The following SPAG17 variants were observed in gnomAD, a reference collection of about 807,000 sequenced individuals.
SPAG17 encodes sperm associated antigen 17.
A neutral mutation model predicts 273.6 loss-of-function variants in SPAG17; 169 were observed. The ratio of observed to expected loss-of-function variants is 0.62; its 90% confidence interval spans 0.55 to 0.70. The LOEUF is 0.70. Ranked by LOEUF, SPAG17 falls within the 30% of genes least tolerant of loss-of-function variation. The probability of loss-of-function intolerance (pLI) is 0.00; values close to 1 mark genes in which losing one functional copy is unlikely to be tolerated. For missense variants in SPAG17, 2,557 were observed against 2,627.8 expected, an observed-to-expected ratio of 0.97 and a Z score of 0.59; for synonymous variants, 825 against 873.2, an observed-to-expected ratio of 0.94 and a Z score of 0.97.
chr1:117,983,799 C>T lies in SPAG17; in HGVS notation c.5872+12G>A. 3 of 1,543,072 alleles carry T rather than the reference C, an allele frequency of 1.9e-6. No individual in the cohort carries two copies. The highest frequency in any genetic ancestry group is 2.7e-6 in the Non-Finnish European group (3 of 1,118,300). ...ACATTTAATAGGAATATGTGCTATG[C>T]TAACATATTACCTAGATTAAGATCA... On this transcript the variant is annotated intron_variant, in intron 42 of 48. Transcript: ENST00000336338.
chr1:118,125,278 G>A (rs748370913), intron 3 of SPAG17, among the ~76,000 whole-genome samples: 16 of 151,226 alleles, frequency 1.1e-4, no homozygotes, highest in Non-Finnish European at 2.4e-4. Context: ...AATATTTACG[G>A]GATACAAAGT....
chr1:118,177,449 G>A (rs1660746546), intron 1 of SPAG17, among the ~76,000 whole-genome samples: 1 of 152,066 alleles, frequency 6.6e-6, no homozygotes, highest in Non-Finnish European at 1.5e-5. Flanking sequence ...GGGGATTATG[G>A]GGATTACAAT....
chr1:118,061,812 C>G (rs188425388), intron 18 of SPAG17, among the ~76,000 whole-genome samples: 20 of 151,860 alleles, frequency 1.3e-4, no homozygotes, highest in Non-Finnish European at 2.2e-4. Flanking sequence ...AAATACTTAT[C>G]ACGATTTCTA....
At chr1:118,041,087 T>C (rs1649695733) in intron 21 of SPAG17, among the ~76,000 whole-genome samples, 1 of 152,176 alleles carries the variant, frequency 6.6e-6, no homozygotes, top group Non-Finnish European at 1.5e-5. Context: ...TAGTGAAAAC[T>C]GAATCATCAT....
chr1:118,001,182 A>G (rs968581979), intron 32 of SPAG17, among the ~76,000 whole-genome samples: 5 of 152,170 alleles, frequency 3.3e-5, no homozygotes, highest in African/African-American at 1.2e-4. Flanking sequence ...CGACCTGAAC[A>G]TGGCGGATAA....
In SPAG17 at chr1:118,005,537, C is replaced by T. The variant is rs542354218; in HGVS notation, c.4653G>A (p.Glu1551=). 1.9e-6 allele frequency: 3 copies of T among 1,610,226 alleles called. No individual in the cohort carries two copies. Among genetic ancestry groups the T allele is most frequent in the Admixed American group, 1.7e-5 (1 of 59,636 alleles). Residue 1551 remains glutamate, a synonymous_variant, in exon 32 of 49, where the codon GAG becomes GAA. Transcript: ENST00000336338. ...DKDCSAVYCH[E]SSSNIYYPFQ... is the part of the protein sequence containing the mutation. ...AAGGATAGTATATATTACTGCTTGA[C>T]TCATGGCAGTACACAGCTGAACAAT...
chr1:117,983,226 A>T (rs1211881735), intron 42 of SPAG17, among the ~76,000 whole-genome samples: 1 of 152,160 alleles, frequency 6.6e-6, no homozygotes, highest in South Asian at 2.1e-4. Flanking sequence ...ATCTCATGAA[A>T]CTTATTCACT....
intron 5 of SPAG17, among the ~76,000 whole-genome samples, chr1:118,100,104 A>C (rs549913662): frequency 1.6e-4 from 25 of 152,300 alleles, no homozygotes; most frequent in African/African-American, 6.0e-4. Flanking sequence ...TTTTGTTAAG[A>C]GTTTAGCCTG....
intron 34 of SPAG17, 120 bp downstream of exon 34, chr1:117,996,250 G>A: frequency 8.3e-7 from 1 of 1,208,386 alleles, no homozygotes; most frequent in East Asian, 2.4e-5. Flanking sequence ...ACTTTCCAAA[G>A]TAGAGCAGAA....
At chr1:118,003,257 A>T (rs1007429991) in intron 32 of SPAG17, among the ~76,000 whole-genome samples, 1 of 151,900 alleles carries the variant, frequency 6.6e-6, no homozygotes, top group Non-Finnish European at 1.5e-5. Context: ...TGCCATTAAC[A>T]TTTTTTCCTT....
intron 3 of SPAG17, among the ~76,000 whole-genome samples, chr1:118,126,806 G>A (rs1168911148): frequency 1.3e-5 from 2 of 152,088 alleles, no homozygotes; most frequent in African/African-American, 2.4e-5. Flanking sequence ...TCTTCTACTA[G>A]TTTTATAGTT....
chr1:117,954,519 A>G, intron 48 of SPAG17: 6 of 1,514,038 alleles, frequency 4.0e-6, no homozygotes, highest in South Asian at 1.1e-5. Context: ...CACTCTGTCT[A>G]TAACAAGTGC....
At position 118,127,492 on chromosome 1, in the gene SPAG17, C is replaced by G. The variant is rs1657803450; in HGVS notation, c.316-12051G>C. ...GAACTCAGAGCAAGAGCTCACTTAT[C>G]TCTAAGGGGATAGCCCAAGCCATTC... On this transcript the variant is annotated intron_variant, in intron 3 of 48. Coordinates refer to ENST00000336338, the MANE Select transcript of SPAG17 (RefSeq NM_206996.4). Among the ~76,000 whole-genome samples, 3 of 152,176 alleles carry G rather than the reference C, an allele frequency of 2.0e-5. 1 individual carries two copies. The South Asian group carries it at 6.2e-4, about 32-fold the overall frequency.
At chr1:118,168,185 A>T (rs1442760490) in intron 1 of SPAG17, among the ~76,000 whole-genome samples, 1 of 152,244 alleles carries the variant, frequency 6.6e-6, no homozygotes, top group Non-Finnish European at 1.5e-5. Context: ...TGGGTACAGA[A>T]AAAGAGAAAA....
At chr1:118,054,469 T>C (rs1177931705) in intron 19 of SPAG17, among the ~76,000 whole-genome samples, 1 of 152,110 alleles carries the variant, frequency 6.6e-6, no homozygotes, top group Non-Finnish European at 1.5e-5. Context: ...GCCATTGTAG[T>C]CATTCTGTTT....
At chr1:117,975,318 C>A (rs1655018280) in intron 43 of SPAG17, among the ~76,000 whole-genome samples, 1 of 152,150 alleles carries the variant, frequency 6.6e-6, no homozygotes, top group Admixed American at 6.5e-5. Context: ...AGTCACACAG[C>A]CACTATTCTG....
chr1:117,966,672 G>C lies in SPAG17; in HGVS notation c.6469C>G (p.His2157Asp). Reference sequence around the variant, plus strand: ...ATAATCTCGATATTGTGAGAGATGTGTGCTGATCCCTTGGCCCCATCCTCT... The same window carrying C: ...ATAATCTCGATATTGTGAGAGATGTCTGCTGATCCCTTGGCCCCATCCTCT... The part of the protein sequence containing the change: ...VGEDGAKGSA[H>D]ISHNIEIMTE... The change falls in exon 47 of 49, where the codon CAC (histidine) becomes GAC (aspartate). Residue 2157 changes from histidine to aspartate, a missense_variant. Coordinates refer to ENST00000336338, the MANE Select transcript of SPAG17 (RefSeq NM_206996.4). 6.2e-7 allele frequency: 1 copy of C among 1,613,968 alleles called. No homozygotes were observed. Among genetic ancestry groups the C allele is most frequent in the Non-Finnish European group, 8.5e-7 (1 of 1,179,890 alleles).
At chr1:118,111,954 G>T (rs1397866870) in intron 4 of SPAG17, among the ~76,000 whole-genome samples, 1 of 152,004 alleles carries the variant, frequency 6.6e-6, no homozygotes, top group Non-Finnish European at 1.5e-5. Flanking sequence ...AAATATGGAC[G>T]ACTTATTTGA....
intron 20 of SPAG17, among the ~76,000 whole-genome samples, chr1:118,051,876 A>G (rs1013924606): frequency 2.9e-5 from 4 of 136,496 alleles, no homozygotes; most frequent in Non-Finnish European, 6.1e-5. Context: ...CTATTATAAT[A>G]TATAAACTAT....
Sources: gnomAD v4.1 joint callset for allele counts (sites outside exome capture counted in the v4.1 genomes callset) on GRCh38, gnomAD v4.1.1 for gene constraint, MANE v1.5 for transcripts, NCBI Gene and HGNC (gene_info 2026-07-23, HGNC 2026-07-21) for gene names.